Variants in ZNF723 observed in about 807,000 individuals in gnomAD.
The protein encoded by ZNF723 is zinc finger protein 723, also known as zinc finger protein 723, pseudogene.
ZNF723 carries 5 observed loss-of-function variants against 9.4 expected under a neutral mutation model. The ratio of observed to expected loss-of-function variants is 0.53; its 90% CI spans 0.28 to 1.12. The LOEUF is 1.12. Among genes scored for constraint, ZNF723 ranks in the 50% most tolerant of loss-of-function variants. The pLI, the probability that ZNF723 is intolerant of heterozygous loss-of-function variation, is 0.10. For missense variants in ZNF723, 450 were observed against 501.5 expected (o/e 0.90, Z 0.98); for synonymous variants, 158 against 168.8 (o/e 0.94, Z 0.49).
At chr19:22,823,740 T>C in the ZNF723 span, among the ~76,000 whole-genome samples, 5 of 152,246 alleles carry the variant, frequency 3.3e-5, no homozygotes, top group Non-Finnish European at 7.3e-5. Context: ...ATATGACTCT[T>C]CTCATCTGCC....
intron 1 of ZNF723, among the ~76,000 whole-genome samples, chr19:22,836,707 G>C (rs1006345387): frequency 7.9e-5 from 12 of 152,178 alleles, no homozygotes; most frequent in African/African-American, 2.9e-4. Flanking sequence ...ATTCTATTTT[G>C]ACCACTGAAG....
the ZNF723 span, among the ~76,000 whole-genome samples, chr19:22,816,045 A>G: frequency 2.6e-5 from 4 of 152,208 alleles, no homozygotes; most frequent in East Asian, 1.9e-4. Context: ...GACATATCCA[A>G]CTGGAGAGAT....
chr19:22,831,581 T>G (rs568385380), upstream of ZNF723, among the ~76,000 whole-genome samples: 15 of 149,230 alleles, frequency 1.0e-4, no homozygotes, highest in South Asian at 3.2e-3. Context: ...AAAATTCACA[T>G]GTGGCTCACA....
At chr19:22,835,185 C>T (rs753761365) in intron 1 of ZNF723, among the ~76,000 whole-genome samples, 1 of 150,994 alleles carries the variant, frequency 6.6e-6, no homozygotes, top group Non-Finnish European at 1.5e-5. Flanking sequence ...GGATTACAGG[C>T]GCCTGCCACC....
chr19:22,841,963 A>G (rs971666375), intron 1 of ZNF723, among the ~76,000 whole-genome samples: 1 of 152,174 alleles, frequency 6.6e-6, no homozygotes, highest in African/African-American at 2.4e-5. Context: ...CATTAAAATG[A>G]GAACACAATT....
At chr19:22,824,947 G>C in the ZNF723 span, among the ~76,000 whole-genome samples, 208 of 152,318 alleles carry the variant, frequency 1.4e-3, 3 homozygotes, top group Middle Eastern at 0.034. Flanking sequence ...AACAGCACAA[G>C]AGTCTCAGAG....
the ZNF723 span, among the ~76,000 whole-genome samples, chr19:22,817,436 G>T: frequency 6.6e-6 from 1 of 151,916 alleles, no homozygotes; most frequent in African/African-American, 2.4e-5. Flanking sequence ...CTCCTCTTCC[G>T]CTTGCACTCT....
intron 1 of ZNF723, among the ~76,000 whole-genome samples, chr19:22,847,042 T>G (rs1258818527): frequency 2.0e-5 from 3 of 151,426 alleles, no homozygotes; most frequent in African/African-American, 7.3e-5. Context: ...CAGATTTTTT[T>G]TTTTTTTTAC....
At chr19:22,832,247 C>T (rs1055868674), upstream of ZNF723, 15 of 1,000,222 alleles carry the variant, frequency 1.5e-5, no homozygotes, top group East Asian at 3.1e-4. Context: ...CCAATCAGAC[C>T]CGCAGCTAGA....
chr19:22,833,926 C>CTT lies in ZNF723; in HGVS notation c.3+1565_3+1566dup, dbSNP rs34792208. On this transcript the variant is annotated intron_variant, in intron 1 of 3. Coordinates refer to ENST00000600766, the MANE Select transcript of ZNF723 (RefSeq NM_001349726.2). ...CGGCCGCTATTTGTTTTTTAGCGTA[C>CTT]TTTTTTTTTTTTTTTTTTTTTTCCG... Among the ~76,000 whole-genome samples, 158 of 89,308 alleles carry CTT rather than the reference C, an allele frequency of 1.8e-3. 2 individuals are homozygous for CTT. The highest frequency in any genetic ancestry group is 5.0e-3 in the East Asian group (14 of 2,774). 58.6% of individuals were successfully genotyped at this position (89,308 alleles called of 152,430 possible). A position where few individuals can be genotyped will look rare whatever the true frequency, so the allele number is the denominator to read the frequency against.
the ZNF723 span, among the ~76,000 whole-genome samples, chr19:22,817,004 G>A: frequency 1.3e-5 from 2 of 152,194 alleles, no homozygotes; most frequent in East Asian, 3.9e-4. Flanking sequence ...CTTGGGCTGT[G>A]CCCAATGAGG....
chr19:22,814,219 C>T, the ZNF723 span, among the ~76,000 whole-genome samples: 2 of 152,150 alleles, frequency 1.3e-5, no homozygotes, highest in African/African-American at 2.4e-5. Flanking sequence ...ACCTTAGATG[C>T]ACTCATAGGT....
intron 1 of ZNF723, among the ~76,000 whole-genome samples, chr19:22,843,114 C>T (rs1369983139): frequency 6.6e-6 from 1 of 152,164 alleles, no homozygotes; most frequent in Admixed American, 6.6e-5. Context: ...GTAGAATATT[C>T]CTGTTCTTCC....
At chr19:22,829,178 TAAACA>T (rs750007528), upstream of ZNF723, among the ~76,000 whole-genome samples, 3 of 148,128 alleles carry the variant, frequency 2.0e-5, no homozygotes, top group Non-Finnish European at 3.0e-5. Flanking sequence ...ATCTCAGTAA[TAAACA>T]AACAAACAAA....
chr19:22,857,114 T>A lies in ZNF723; in HGVS notation c.227-4T>A. 1.1e-6 allele frequency: 1 copy of A among 925,274 alleles called. No individual in the cohort carries two copies. The highest frequency in any genetic ancestry group is 1.6e-6 in the Non-Finnish European group (1 of 619,448). The allele number at this position is 925,274 out of a possible 1,614,324, so 57.3% of individuals were successfully genotyped here. On this transcript the variant is annotated splice_polypyrimidine_tract_variant and splice_region_variant and intron_variant, in intron 3 of 3. Transcript: ENST00000600766. Reference sequence around the variant, plus strand: ...AAGTAATTTGTTATTTCTATTTTTTTCAGTTGTGTGTTCTCATTTTGCCCA... The same window carrying A: ...AAGTAATTTGTTATTTCTATTTTTTACAGTTGTGTGTTCTCATTTTGCCCA...
At chr19:22,812,920 C>T in the ZNF723 span, among the ~76,000 whole-genome samples, 5,759 of 152,074 alleles carry the variant, frequency 0.038, 329 homozygotes, top group African/African-American at 0.13. Context: ...GACTGTGACT[C>T]TTGTACTTAG....
At chr19:22,813,349 A>C in the ZNF723 span, among the ~76,000 whole-genome samples, 1 of 152,152 alleles carries the variant, frequency 6.6e-6, no homozygotes, top group South Asian at 2.1e-4. Context: ...CAAGTGTGAC[A>C]TATGGCAGAA....
intron 3 of ZNF723, among the ~76,000 whole-genome samples, chr19:22,854,893 T>G (rs1231779059): frequency 6.6e-6 from 1 of 151,942 alleles, no homozygotes; most frequent in Non-Finnish European, 1.5e-5. Flanking sequence ...ACTAAAAATA[T>G]GAAAGTTTCC....
chr19:22,847,462 A>G (rs1967329294), intron 1 of ZNF723, among the ~76,000 whole-genome samples: 1 of 152,136 alleles, frequency 6.6e-6, no homozygotes, highest in African/African-American at 2.4e-5. Context: ...CTTAGGCCAA[A>G]ATCATTGGCA....
Sources: allele counts gnomAD v4.1 joint callset (sites outside exome capture counted in the v4.1 genomes callset), GRCh38; gene constraint gnomAD v4.1.1; transcripts MANE v1.5; gene names NCBI Gene and HGNC (gene_info 2026-07-23, HGNC 2026-07-21).